Variants in MTOR observed in about 807,000 individuals in gnomAD.
MTOR encodes mechanistic target of rapamycin kinase.
A neutral mutation model predicts 319.8 loss-of-function variants in MTOR; 70 were observed. The ratio of observed to expected loss-of-function variants is 0.22; its 90% CI spans 0.18 to 0.27. The LOEUF (loss-of-function observed/expected upper bound fraction) is 0.27. Ranked by LOEUF, MTOR falls within the 10% of genes least tolerant of loss-of-function variation. The pLI is 1.00. For synonymous variants in MTOR, 1,183 were observed against 1,211.4 expected, an observed-to-expected ratio of 0.98 and a Z score of 0.49; for missense variants, 1,890 against 3,274.4, an observed-to-expected ratio of 0.58 and a Z score of 10.32.
In MTOR at chr1:11,109,680, C is replaced by A. The variant is rs955814963; in HGVS notation, c.7416G>T (p.Gly2472=). Residue 2472 remains glycine (G), a synonymous_variant, in exon 55 of 58, where the codon GGG becomes GGT. Transcript: ENST00000361445. This position sits in a 1 kb window ranked among gnomAD's most constrained non-coding sequence, Gnocchi z 4.0. ...AATGAATAGATTCTGGCACTGTGGT[C>A]CCCGTTTTCTTATGGGCTGGCTCTC... ...ELGEPAHKKT[G]TTVPESIHSF... 15 of 1,613,998 alleles carry A rather than the reference C, an allele frequency of 9.3e-6. No individual in the cohort carries two copies. Among genetic ancestry groups the A allele is most frequent in the Non-Finnish European group, 1.2e-5 (14 of 1,180,016 alleles).
intron 29 of MTOR, among the ~76,000 whole-genome samples, chr1:11,160,733 T>G (rs1304309674): frequency 6.6e-6 from 1 of 152,250 alleles, no homozygotes; most frequent in Admixed American, 6.5e-5. Flanking sequence ...TGCTAAGAGT[T>G]TGATAAAATC....
In MTOR at chr1:11,110,909, C is replaced by A. The variant is rs1190504642; in HGVS notation, c.7367-1180G>T. On this transcript the variant is annotated intron_variant, in intron 54 of 57. Transcript: ENST00000361445. Reference sequence around the variant, plus strand: ...CAGCAGAACTGGCTGTCCTAGTTCCCTTCTGTATGCTACAGACAGCATATA... The same window carrying A: ...CAGCAGAACTGGCTGTCCTAGTTCCATTCTGTATGCTACAGACAGCATATA... Among the ~76,000 whole-genome samples, 30 of 152,296 alleles carry A rather than the reference C, an allele frequency of 2.0e-4. No homozygotes were observed. In the South Asian group the frequency reaches 2.3e-3, roughly 12 times the overall value.
intron 28 of MTOR, chr1:11,189,790 G>A: frequency 1.2e-6 from 2 of 1,614,234 alleles, no homozygotes; most frequent in Non-Finnish European, 1.7e-6. Flanking sequence ...CAAGAAGCAG[G>A]AGAGGGACTG....
chr1:11,223,462 A>G (rs1569643928), intron 19 of MTOR, among the ~76,000 whole-genome samples: 1 of 152,158 alleles, frequency 6.6e-6, no homozygotes, highest in African/African-American at 2.4e-5. Context: ...ATGTATGTAC[A>G]TGTGTCGGGG....
At chr1:11,108,361 C>T (rs1570892565) in intron 56 of MTOR, 75 bp from the exon 57 acceptor site, 4 of 1,115,656 alleles carry the variant, frequency 3.6e-6, no homozygotes, top group Admixed American at 1.7e-5. Flanking sequence ...GTGGGCTTAA[C>T]TGTCTATGCC....
chr1:11,120,367 T>C (rs889142773), intron 49 of MTOR, among the ~76,000 whole-genome samples: 3 of 151,970 alleles, frequency 2.0e-5, no homozygotes, highest in Admixed American at 2.0e-4. Flanking sequence ...GGTGAAACCC[T>C]GTCTCTACTA....
intron 39 of MTOR, 38 bp downstream of exon 39, chr1:11,130,491 C>T (rs1643084233): frequency 3.8e-6 from 6 of 1,596,668 alleles, no homozygotes; most frequent in East Asian, 2.2e-5. Flanking sequence ...GAGCCTGGCA[C>T]CTTGGTTGGT....
rs1304873142 is a variant in MTOR at position 11,193,507 on chromosome 1, T to G, written c.4253+5751A>C. The G allele has an allele frequency of 4.3e-6, 6 of 1,389,516 alleles. No homozygotes were observed. The African/African-American group carries it at 8.7e-5, about 20-fold the overall frequency. The allele number at this position is 1,389,516 out of a possible 1,614,324, so 86.1% of individuals were successfully genotyped here. Reference sequence around the variant, plus strand: ...CTGGCTCTGCAGGGACAGGAACAGGTTGGGAAGCCTGCCCTCTTGCTCCTG... The same window carrying G: ...CTGGCTCTGCAGGGACAGGAACAGGGTGGGAAGCCTGCCCTCTTGCTCCTG... On this transcript the variant is annotated intron_variant, in intron 28 of 57. Coordinates refer to ENST00000361445, the MANE Select transcript of MTOR (RefSeq NM_004958.4).
intron 19 of MTOR, among the ~76,000 whole-genome samples, chr1:11,227,325 A>C (rs1397649505): frequency 7.1e-6 from 1 of 140,510 alleles, no homozygotes; most frequent in Non-Finnish European, 1.6e-5. Flanking sequence ...AAAAAAAAAA[A>C]ATTCAATTAG....
chr1:11,126,479 AT>A, intron 46 of MTOR, 142 bp downstream of exon 46: 1 of 960,954 alleles, frequency 1.0e-6, no homozygotes, highest in Non-Finnish European at 1.5e-6. Context: ...CTTGCCCTCT[AT>A]TTTCCTCTCA....
intron 5 of MTOR, among the ~76,000 whole-genome samples, chr1:11,255,643 G>A (rs1403421716): frequency 6.6e-6 from 1 of 151,836 alleles, no homozygotes; most frequent in Non-Finnish European, 1.5e-5. Flanking sequence ...CTGAGGTCAG[G>A]AATTCGAGAC....
Position 11,228,867 on chromosome 1 carries a change from T to A in MTOR, c.2831A>T (p.Asp944Val), listed in dbSNP as rs1646930400. Reference sequence around the variant, plus strand: ...CATGGACACAGCTGGGTAGAACTCATCCAGAGGCAAGTTTCCCATGTTGAC... The same window carrying A: ...CATGGACACAGCTGGGTAGAACTCAACCAGAGGCAAGTTTCCCATGTTGAC... ...MLVNMGNLPL[D>V]EFYPAVSMVA... Residue 944 changes from aspartate (D) to valine (V), a missense_variant, in exon 19 of 58, where the codon GAT becomes GTT. This residue lies in a region of MTOR where 377 missense variants were observed against 653.9 expected (regional missense o/e 0.58). Coordinates refer to ENST00000361445, the MANE Select transcript of MTOR (RefSeq NM_004958.4). 6.2e-7 allele frequency: 1 copy of A among 1,614,126 alleles called. No individual in the cohort carries two copies.
At chr1:11,167,986 C>T (rs571361316) in intron 28 of MTOR, among the ~76,000 whole-genome samples, 52 of 151,802 alleles carry the variant, frequency 3.4e-4, no homozygotes, top group African/African-American at 1.2e-3. Flanking sequence ...GGGAGAATGG[C>T]GTGAACCTGG....
Position 11,133,963 on chromosome 1 carries a change from C to T in MTOR, c.5246+388G>A, listed in dbSNP as rs1054503216. Among the ~76,000 whole-genome samples the T allele has an allele frequency of 2.0e-5, 3 of 151,706 alleles. No individual in the cohort carries two copies. Among genetic ancestry groups the T allele is most frequent in the East Asian group, 1.9e-4 (1 of 5,166 alleles). ...CAAAAAACTAGCCAGTGTGGTGGCA[C>T]GTGCCTATAGCTACTTGGGAAACTG... On this transcript the variant is annotated intron_variant, in intron 37 of 57. Coordinates refer to ENST00000361445, the MANE Select transcript of MTOR (RefSeq NM_004958.4). The surrounding 1 kb of genome is among the most constrained non-coding windows in gnomAD (Gnocchi z 4.0).
At chr1:11,134,244 A>C in intron 37 of MTOR, 107 bp downstream of exon 37, 1 of 878,828 alleles carries the variant, frequency 1.1e-6, no homozygotes, top group East Asian at 2.5e-5. Context: ...GGAAAGAGAG[A>C]TGTCAGCAAT....
intron 14 of MTOR, among the ~76,000 whole-genome samples, chr1:11,233,884 C>T (rs1010278106): frequency 6.6e-6 from 1 of 152,194 alleles, no homozygotes; most frequent in Non-Finnish European, 1.5e-5. Context: ...CTACCTACTT[C>T]TCCTTTCCAA....
At chr1:11,112,203 A>G (rs1641922987) in intron 54 of MTOR, among the ~76,000 whole-genome samples, 1 of 152,164 alleles carries the variant, frequency 6.6e-6, no homozygotes, top group African/African-American at 2.4e-5. Context: ...CAGCAACGCA[A>G]ATAAATTTCT....
chr1:11,112,880 C>A lies in MTOR; in HGVS notation c.7338G>T (p.Thr2446=). 6.2e-7 allele frequency: 1 copy of A among 1,614,208 alleles called. No homozygotes were observed. Among genetic ancestry groups the A allele is most frequent in the Non-Finnish European group, 8.5e-7 (1 of 1,180,030 alleles). Residue 2446 remains threonine (T), a synonymous_variant, in exon 54 of 58, where the codon ACG becomes ACT. Coordinates refer to ENST00000361445, the MANE Select transcript of MTOR (RefSeq NM_004958.4). ...TKGNKRSRTR[T]DSYSAGQSVE... ...CTGACTGGCCAGCAGAGTAGGAATC[C>A]GTCCTCGTTCGGGATCGCTTGTTGC...
At chr1:11,156,022 G>A (rs567825312) in intron 30 of MTOR, among the ~76,000 whole-genome samples, 62 of 151,964 alleles carry the variant, frequency 4.1e-4, no homozygotes, top group Middle Eastern at 3.4e-3. Context: ...ATAGAGTCTC[G>A]CTCTGTCACT....
Sources: gnomAD v4.1 joint callset for allele counts (sites outside exome capture counted in the v4.1 genomes callset) on GRCh38, gnomAD v4.1.1 for gene constraint, gnomAD v4.1.1 regional missense constraint, Gnocchi (gnomAD v3.1) non-coding constraint, MANE v1.5 for transcripts, NCBI Gene and HGNC (gene_info 2026-07-23, HGNC 2026-07-21) for gene names.